The following DTNB variants were observed in gnomAD, a reference collection of about 807,000 sequenced individuals.
DTNB encodes dystrobrevin beta.
A neutral mutation model predicts 90.7 loss-of-function variants in DTNB; 63 were observed. The observed-to-expected ratio is 0.69, with a 90% CI of 0.57 to 0.86. DTNB has a LOEUF of 0.86. DTNB is among the 40% of genes least tolerant of loss of function. The probability of loss-of-function intolerance (pLI) is 0.00; values close to 1 mark genes in which losing one functional copy is unlikely to be tolerated. For missense variants in DTNB, 744 were observed against 807.1 expected (o/e 0.92, Z 0.95); for synonymous variants, 277 against 286.7 (o/e 0.97, Z 0.34).
intron 9 of DTNB, among the ~76,000 whole-genome samples, chr2:25,527,607 A>G (rs1477211433): frequency 6.6e-6 from 1 of 152,252 alleles, no homozygotes; most frequent in South Asian, 2.1e-4. Flanking sequence ...GGACTTACAA[A>G]GACAATAAAA....
intron 8 of DTNB, among the ~76,000 whole-genome samples, chr2:25,540,847 G>A (rs1356084047): frequency 6.6e-6 from 1 of 152,032 alleles, no homozygotes; most frequent in Non-Finnish European, 1.5e-5. Flanking sequence ...AAGGCAGCAT[G>A]CTCGTTAAGA....
chr2:25,636,446 C>T (rs562368429), intron 3 of DTNB, among the ~76,000 whole-genome samples: 12 of 152,298 alleles, frequency 7.9e-5, no homozygotes, highest in African/African-American at 2.6e-4. Flanking sequence ...TAGTCAGGCT[C>T]TCAACACTCC....
At chr2:25,408,274 A>G (rs1573971685) in intron 16 of DTNB, among the ~76,000 whole-genome samples, 1 of 151,628 alleles carries the variant, frequency 6.6e-6, no homozygotes, top group Admixed American at 6.6e-5. Flanking sequence ...GTGCCATTGC[A>G]CTCCAGCCTG....
At chr2:25,482,907 T>C in intron 9 of DTNB, 34 bp from the exon 10 acceptor site, 1 of 1,568,660 alleles carries the variant, frequency 6.4e-7, no homozygotes, top group South Asian at 1.2e-5. Context: ...ATATTAATAA[T>C]GACCAACTAG....
intron 6 of DTNB, chr2:25,595,075 T>C (rs2064308523): frequency 1.3e-5 from 2 of 152,202 alleles, no homozygotes; most frequent in South Asian, 2.1e-4. Flanking sequence ...TTCAGTTAGG[T>C]TGTAGAAATT....
intron 9 of DTNB, among the ~76,000 whole-genome samples, chr2:25,527,399 T>C (rs1269356007): frequency 1.3e-5 from 2 of 152,128 alleles, no homozygotes; most frequent in African/African-American, 2.4e-5. Context: ...AGCGCATGCC[T>C]GTAGTCCCAG....
chr2:25,594,832 TA>T (rs1253466429), intron 6 of DTNB: 2 of 152,214 alleles, frequency 1.3e-5, no homozygotes, highest in Non-Finnish European at 2.9e-5. Context: ...TGCTCTTAAA[TA>T]ATTACGTACA....
chr2:25,535,753 T>TTCC (rs2079511516), intron 8 of DTNB, among the ~76,000 whole-genome samples: 1 of 99,122 alleles, frequency 1.0e-5, no homozygotes, highest in African/African-American at 4.1e-5. Flanking sequence ...CGCTCCTCAC[T>TTCC]TCCCAGACGG....
chr2:25,495,005 A>G (rs2068487431), intron 9 of DTNB, among the ~76,000 whole-genome samples: 1 of 152,164 alleles, frequency 6.6e-6, no homozygotes, highest in South Asian at 2.1e-4. Flanking sequence ...GTCAAATGAC[A>G]GTGCTCAGGG....
In DTNB at chr2:25,566,516, T is replaced by G. The variant is rs541620788; in HGVS notation, c.876+10322A>C. On this transcript the variant is annotated intron_variant, in intron 8 of 20. Transcript: ENST00000406818. ...AAGTTAAAACAGTAAGCACAAGTCC[T>G]GGTTTGTCCAAGATAATCACAGTTT... Among the ~76,000 whole-genome samples, 3 of 152,378 alleles carry G rather than the reference T, an allele frequency of 2.0e-5. No homozygotes were observed. In the South Asian group the frequency reaches 6.2e-4, roughly 32 times the overall value.
intron 8 of DTNB, among the ~76,000 whole-genome samples, chr2:25,556,417 T>C (rs1328618349): frequency 6.6e-6 from 1 of 152,118 alleles, no homozygotes; most frequent in Non-Finnish European, 1.5e-5. Flanking sequence ...ATATTATCAA[T>C]CTCCTACATT....
intron 9 of DTNB, among the ~76,000 whole-genome samples, chr2:25,514,672 GA>G (rs920091103): frequency 2.8e-5 from 4 of 140,410 alleles, no homozygotes; most frequent in Non-Finnish European, 4.7e-5. Context: ...AAACATCTTT[GA>G]AAAAAATCTT....
intron 9 of DTNB, among the ~76,000 whole-genome samples, chr2:25,492,527 G>A (rs918083467): frequency 6.6e-6 from 1 of 152,204 alleles, no homozygotes; most frequent in Non-Finnish European, 1.5e-5. Flanking sequence ...CAGTACTGAT[G>A]TCGTGTAGAC....
At chr2:25,590,714 C>T (rs145123715) in intron 6 of DTNB, among the ~76,000 whole-genome samples, 1 of 152,302 alleles carries the variant, frequency 6.6e-6, no homozygotes, top group East Asian at 1.9e-4. Flanking sequence ...GGGGAGGAAG[C>T]GCATGCTGAC....
intron 8 of DTNB, among the ~76,000 whole-genome samples, chr2:25,562,398 C>T (rs1294949608): frequency 6.6e-6 from 1 of 152,196 alleles, no homozygotes; most frequent in Non-Finnish European, 1.5e-5. Flanking sequence ...CATTCACATA[C>T]AAGTTTTTGT....
chr2:25,388,036 C>T (rs961752091), intron 17 of DTNB, among the ~76,000 whole-genome samples, 166 bp downstream of exon 17: 8 of 152,200 alleles, frequency 5.3e-5, no homozygotes, highest in East Asian at 3.8e-4. Flanking sequence ...GAGACCAGCC[C>T]GTCTCATGAG....
chr2:25,429,698 T>C (rs1449564794), intron 14 of DTNB, among the ~76,000 whole-genome samples: 2 of 152,150 alleles, frequency 1.3e-5, no homozygotes, highest in Non-Finnish European at 2.9e-5. Flanking sequence ...TAAGAAAATA[T>C]CATGCATCCA....
intron 4 of DTNB, among the ~76,000 whole-genome samples, chr2:25,611,800 C>T (rs2148559414): frequency 6.6e-6 from 1 of 152,170 alleles, no homozygotes. Flanking sequence ...ACAGTCAGAC[C>T]TCATCTCTAA....
intron 9 of DTNB, among the ~76,000 whole-genome samples, chr2:25,525,597 T>C (rs987127708): frequency 4.6e-5 from 7 of 151,376 alleles, no homozygotes; most frequent in Non-Finnish European, 8.8e-5. Flanking sequence ...GATCGCTCCA[T>C]TGCACTCCAG....
Sources: gnomAD v4.1 joint callset for allele counts (sites outside exome capture counted in the v4.1 genomes callset) on GRCh38, gnomAD v4.1.1 for gene constraint, MANE v1.5 for transcripts, NCBI Gene and HGNC (gene_info 2026-07-23, HGNC 2026-07-21) for gene names.